The following OR4C12 variants were observed in gnomAD, a reference collection of about 807,000 sequenced individuals.
OR4C12 encodes the protein olfactory receptor 4C12.
A neutral mutation model predicts 12.3 loss-of-function variants in OR4C12; 11 were observed. The observed-to-expected ratio is 0.89, with a 90% CI of 0.56 to 1.48. The LOEUF is 1.48. Ranked by LOEUF, OR4C12 falls within the 40% of genes most tolerant of loss-of-function variation. OR4C12 has a pLI of 0.00. For synonymous variants in OR4C12, 138 were observed against 133.2 expected (o/e 1.04, Z -0.25); for missense variants, 414 against 365.8 (o/e 1.13, Z -1.08).
chr11:49,981,896 C>T lies in OR4C12; in HGVS notation c.606G>A (p.Gly202=). ...TLGLFVAVNS[G]FICLLNFLIL... ...TAAGGAAGTTTAATAAGCAGATAAA[C>T]CCACTGTTCACAGCAACAAAGAGAC... The change falls in exon 1 of 1, where the codon GGG becomes GGA. Residue 202 remains glycine, a synonymous_variant. Transcript: ENST00000335238. 6.2e-7 allele frequency: 1 copy of T among 1,613,914 alleles called. No homozygotes were observed. The highest frequency in any genetic ancestry group is 1.1e-5 in the South Asian group (1 of 91,066).
Position 49,981,505 on chromosome 11 carries a change from A to G in OR4C12, c.*67T>C. ...TAGCCAGCCCCTTGTTAGAGTTGACATATTCATCTACAAATCAAGAAGCTT... is the reference window on the plus strand; with the variant it reads ...TAGCCAGCCCCTTGTTAGAGTTGACGTATTCATCTACAAATCAAGAAGCTT... On this transcript the variant is annotated 3_prime_UTR_variant, in exon 1 of 1. Coordinates refer to ENST00000335238, the MANE Select transcript of OR4C12 (RefSeq NM_001005270.4). 2.3e-6 allele frequency: 2 copies of G among 880,136 alleles called. No individual in the cohort carries two copies. The highest frequency in any genetic ancestry group is 3.6e-6 in the Non-Finnish European group (2 of 554,250). 54.5% of individuals were successfully genotyped at this position (880,136 alleles called of 1,614,324 possible).
Position 49,982,512 on chromosome 11 carries a change from T to A in OR4C12, c.-11A>T. ...CTTTTTCTTCTCCATCTATGTAGTG[T>A]GGGTGATAAAACCTCCAGGAAGGAA... On this transcript the variant is annotated 5_prime_UTR_variant, in exon 1 of 1. Transcript: ENST00000335238. 1 of 1,497,052 alleles carries A rather than the reference T, an allele frequency of 6.7e-7. No individual in the cohort carries two copies. Among genetic ancestry groups the A allele is most frequent in the Non-Finnish European group, 9.2e-7 (1 of 1,092,116 alleles). The allele number at this position is 1,497,052 out of a possible 1,614,324, so 92.7% of individuals were successfully genotyped here.
At position 49,982,495 on chromosome 11, in the gene OR4C12, T is replaced by C; in HGVS notation, c.7A>G (p.Lys3Glu). Residue 3 changes from lysine to glutamate, a missense_variant, in exon 1 of 1, where the codon AAG becomes GAG. Transcript: ENST00000335238. ME[K>E]KKNVTEFILI... ...ATGAATTCAGTCACATTCTTTTTCT[T>C]CTCCATCTATGTAGTGTGGGTGATA... 2 of 1,590,824 alleles carry C rather than the reference T, an allele frequency of 1.3e-6. No individual in the cohort carries two copies. The highest frequency in any genetic ancestry group is 2.2e-5 in the South Asian group (2 of 89,876).
rs191809749 is a variant in OR4C12 at position 49,982,433 on chromosome 11, T to C, written c.69A>G (p.Lys23=). 37 of 1,613,602 alleles carry C rather than the reference T, an allele frequency of 2.3e-5. No individual in the cohort carries two copies. Among genetic ancestry groups the C allele is most frequent in the East Asian group, 2.2e-4 (10 of 44,882 alleles). Residue 23 remains lysine (K), a synonymous_variant, in exon 1 of 1, where the codon AAA becomes AAG. Transcript: ENST00000335238. ...GAACCAAAAATACTACAAACGTGAC[T>C]TTCTCCATTATGGGGTTCTGTGTAA... ...IGLTQNPIME[K]VTFVVFLVLY...
At position 49,981,699 on chromosome 11, in the gene OR4C12, G is replaced by T. The variant is rs781785840; in HGVS notation, c.803C>A (p.Ala268Asp). 1.2e-6 allele frequency: 2 copies of T among 1,613,592 alleles called. No individual in the cohort carries two copies. The highest frequency in any genetic ancestry group is 1.1e-5 in the South Asian group (1 of 91,082). Reference protein sequence around the residue: ...RSVTTLPIDKAVAVFYTMVVP... With the variant: ...RSVTTLPIDKDVAVFYTMVVP... ...CACCATAGTATAAAATACAGCAACA[G>T]CTTTATCAATGGGCAGAGTGGTCAC... The change falls in exon 1 of 1, where the codon GCT (alanine) becomes GAT (aspartate). Residue 268 changes from alanine (A) to aspartate (D), a missense_variant. By Grantham distance (126) the Ala-to-Asp change is moderately radical. Coordinates refer to ENST00000335238, the MANE Select transcript of OR4C12 (RefSeq NM_001005270.4).
chr11:49,981,796 A>G lies in OR4C12; in HGVS notation c.706T>C (p.Ser236Pro). Reference sequence around the variant, plus strand: ...ACTATGATGTGAGAAATACAGGTGGAGAGGGCTTTACACCTCCCCTCCAAG... The same window carrying G: ...ACTATGATGTGAGAAATACAGGTGGGGAGGGCTTTACACCTCCCCTCCAAG... The part of the protein sequence containing the change: ...NSLEGRCKAL[S>P]TCISHIIVVV... Residue 236 changes from serine (S) to proline (P), a missense_variant, in exon 1 of 1, where the codon TCC becomes CCC. Physicochemically the swap from Ser to Pro is moderately conservative, Grantham distance 74 (BLOSUM62 -1). Coordinates refer to ENST00000335238, the MANE Select transcript of OR4C12 (RefSeq NM_001005270.4). 6.2e-7 allele frequency: 1 copy of G among 1,613,260 alleles called. No individual in the cohort carries two copies. The highest frequency in any genetic ancestry group is 8.5e-7 in the Non-Finnish European group (1 of 1,179,316).
rs1224701853 is a variant in OR4C12 at position 49,981,750 on chromosome 11, G to A, written c.752C>T (p.Pro251Leu). ...TGAGCGCAGATACACAAATATACAG[G>A]GCACAAAGAATAAGACAACTACTAT... ...HIIVVVLFFV[P>L]CIFVYLRSVT... is the part of the protein sequence containing the mutation. Residue 251 changes from proline (P) to leucine (L), a missense_variant, in exon 1 of 1, where the codon CCC becomes CTC. Coordinates refer to ENST00000335238, the MANE Select transcript of OR4C12 (RefSeq NM_001005270.4). The A allele has an allele frequency of 3.7e-5, 59 of 1,613,620 alleles. No individual in the cohort carries two copies. The highest frequency in any genetic ancestry group is 4.7e-5 in the Non-Finnish European group (56 of 1,179,896).
Position 49,982,479 on chromosome 11 carries a change from G to T in OR4C12, c.23C>A (p.Thr8Asn). The change falls in exon 1 of 1, where the codon ACT becomes AAT. Residue 8 changes from threonine to asparagine, a missense_variant. Coordinates refer to ENST00000335238, the MANE Select transcript of OR4C12 (RefSeq NM_001005270.4). MEKKKNV[T>N]EFILIGLTQN... ...TGTAAGACCTATTAAAATGAATTCA[G>T]TCACATTCTTTTTCTTCTCCATCTA... is the stretch of plus-strand genomic sequence containing the variant. 6.2e-7 allele frequency: 1 copy of T among 1,605,506 alleles called. No homozygotes were observed. Among genetic ancestry groups the T allele is most frequent in the African/African-American group, 1.3e-5 (1 of 74,752 alleles).
In OR4C12 at chr11:49,981,953, T is replaced by C. The variant is rs782140859; in HGVS notation, c.549A>G (p.Leu183=). The C allele has an allele frequency of 1.9e-6, 3 of 1,613,956 alleles. No homozygotes were observed. The highest frequency in any genetic ancestry group is 2.2e-5 in the South Asian group (2 of 91,076). ...GHFMCDLYPL[L]KLVCIDTHTL... ...TATGAGTGTCTATGCAAACAAGTTTTAACAATGGGTACAAGTCACACATGA... is the reference window on the plus strand; with the variant it reads ...TATGAGTGTCTATGCAAACAAGTTTCAACAATGGGTACAAGTCACACATGA... Residue 183 remains leucine, a synonymous_variant, in exon 1 of 1, where the codon TTA becomes TTG. Coordinates refer to ENST00000335238, the MANE Select transcript of OR4C12 (RefSeq NM_001005270.4).
Position 49,982,447 on chromosome 11 carries a change from G to T in OR4C12, c.55C>A (p.Pro19Thr). Residue 19 changes from proline to threonine, a missense_variant, in exon 1 of 1, where the codon CCC (proline) becomes ACC (threonine). Physicochemically the swap from Pro to Thr is conservative, Grantham distance 38 (BLOSUM62 -1). Coordinates refer to ENST00000335238, the MANE Select transcript of OR4C12 (RefSeq NM_001005270.4). ...EFILIGLTQN[P>T]IMEKVTFVVF... Reference sequence around the variant, plus strand: ...ACAAACGTGACTTTCTCCATTATGGGGTTCTGTGTAAGACCTATTAAAATG... The same window carrying T: ...ACAAACGTGACTTTCTCCATTATGGTGTTCTGTGTAAGACCTATTAAAATG... 6.2e-7 allele frequency: 1 copy of T among 1,613,122 alleles called. No homozygotes were observed. Among genetic ancestry groups the T allele is most frequent in the East Asian group, 2.2e-5 (1 of 44,868 alleles).
Position 49,981,855 on chromosome 11 carries a change from T to A in OR4C12, c.647A>T (p.Tyr216Phe). 1 of 1,613,998 alleles carries A rather than the reference T, an allele frequency of 6.2e-7. No individual in the cohort carries two copies. Among genetic ancestry groups the A allele is most frequent in the Non-Finnish European group, 8.5e-7 (1 of 1,179,984 alleles). The change falls in exon 1 of 1, where the codon TAT becomes TTT. Residue 216 changes from tyrosine to phenylalanine, a missense_variant. Transcript: ENST00000335238. ...CTTTAAAGATCTCAAGATGATCACATAGGATACCACCAAGATAAGGAAGTT... is the reference window on the plus strand; with the variant it reads ...CTTTAAAGATCTCAAGATGATCACAAAGGATACCACCAAGATAAGGAAGTT... Reference protein sequence around the residue: ...LLNFLILVVSYVIILRSLKNN... With the variant: ...LLNFLILVVSFVIILRSLKNN...
At position 49,981,926 on chromosome 11, in the gene OR4C12, G is replaced by T. The variant is rs1854147675; in HGVS notation, c.576C>A (p.Thr192=). 1.2e-6 allele frequency: 2 copies of T among 1,613,900 alleles called. No individual in the cohort carries two copies. Among genetic ancestry groups the T allele is most frequent in the African/African-American group, 2.7e-5 (2 of 74,978 alleles). Residue 192 remains threonine (T), a synonymous_variant, in exon 1 of 1, where the codon ACC becomes ACA. Transcript: ENST00000335238. ...LLKLVCIDTH[T]LGLFVAVNSG... ...TGTTCACAGCAACAAAGAGACCAAG[G>T]GTATGAGTGTCTATGCAAACAAGTT...
rs1854137281 is a variant in OR4C12, at chr11:49,981,513, C to T, written c.*59G>A. ...CCCTTGTTAGAGTTGACATATTCAT[C>T]TACAAATCAAGAAGCTTAAATACCT... On this transcript the variant is annotated 3_prime_UTR_variant, in exon 1 of 1. Coordinates refer to ENST00000335238, the MANE Select transcript of OR4C12 (RefSeq NM_001005270.4). 5.2e-6 allele frequency: 5 copies of T among 965,620 alleles called. No homozygotes were observed. In the South Asian group the frequency reaches 7.9e-5, roughly 15 times the overall value. The allele number at this position is 965,620 out of a possible 1,614,324, so 59.8% of individuals were successfully genotyped here. A position where few individuals can be genotyped will look rare whatever the true frequency, so the allele number is the denominator to read the frequency against.
chr11:49,981,986 T>C lies in OR4C12; in HGVS notation c.516A>G (p.Ile172Met). The C allele has an allele frequency of 3.1e-6, 5 of 1,614,114 alleles. No homozygotes were observed. Among genetic ancestry groups the C allele is most frequent in the Non-Finnish European group, 3.4e-6 (4 of 1,179,980 alleles). ...VWLPFCGPNV[I>M]GHFMCDLYPL... is the part of the protein sequence containing the mutation. ...GGTACAAGTCACACATGAAGTGGCCTATGACATTGGGGCCACAGAAGGGCA... is the reference window on the plus strand; with the variant it reads ...GGTACAAGTCACACATGAAGTGGCCCATGACATTGGGGCCACAGAAGGGCA... The change falls in exon 1 of 1, where the codon ATA becomes ATG. Residue 172 changes from isoleucine to methionine, a missense_variant. Coordinates refer to ENST00000335238, the MANE Select transcript of OR4C12 (RefSeq NM_001005270.4).
rs782505627 is a variant in OR4C12 at position 49,982,257 on chromosome 11, T to C, written c.245A>G (p.Asp82Gly). 14 of 1,613,960 alleles carry C rather than the reference T, an allele frequency of 8.7e-6. No homozygotes were observed. The South Asian group carries it at 1.4e-4, about 16-fold the overall frequency. Residue 82 changes from aspartate to glycine, a missense_variant, in exon 1 of 1, where the codon GAT becomes GGT. By Grantham distance (94) the Asp-to-Gly change is moderately conservative. Transcript: ENST00000335238. ...GATGATTTTCTTCTCTTGAAAGGAA[T>C]CCACAATCAACTTAGGAGCTGAAGA... The part of the protein sequence containing the change: ...SSSSAPKLIV[D>G]SFQEKKIISF...
rs374549077 is a variant in OR4C12, at chr11:49,982,200, G to T, written c.302C>A (p.Ala101Glu). The T allele has an allele frequency of 3.7e-6, 6 of 1,613,980 alleles. No individual in the cohort carries two copies. The highest frequency in any genetic ancestry group is 4.2e-6 in the Non-Finnish European group (5 of 1,179,976). The change falls in exon 1 of 1, where the codon GCA (alanine) becomes GAA (glutamate). Residue 101 changes from alanine to glutamate, a missense_variant. Coordinates refer to ENST00000335238, the MANE Select transcript of OR4C12 (RefSeq NM_001005270.4). ...SFNGCMAQAY[A>E]EHIFGATEII... ...CTCAGTAGCACCAAAAATGTGTTCT[G>T]CATAGGCTTGAGCCATACACCCATT...
rs1844004273 is a variant in OR4C12, at chr11:49,982,272, G to A, written c.230C>T (p.Pro77Leu). 1 of 1,613,874 alleles carries A rather than the reference G, an allele frequency of 6.2e-7. No homozygotes were observed. Among genetic ancestry groups the A allele is most frequent in the Admixed American group, 1.7e-5 (1 of 60,004 alleles). ...IDTVYSSSSAPKLIVDSFQEK... is the reference protein window; with the variant it reads ...IDTVYSSSSALKLIVDSFQEK... ...TTGAAAGGAATCCACAATCAACTTAGGAGCTGAAGAAGAAGAATAAACTGT... is the reference window on the plus strand; with the variant it reads ...TTGAAAGGAATCCACAATCAACTTAAGAGCTGAAGAAGAAGAATAAACTGT... The change falls in exon 1 of 1, where the codon CCT becomes CTT. Residue 77 changes from proline to leucine, a missense_variant. Coordinates refer to ENST00000335238, the MANE Select transcript of OR4C12 (RefSeq NM_001005270.4).
rs1294043432 is a variant in OR4C12, at chr11:49,981,984, C to T, written c.518G>A (p.Gly173Asp). 7 of 1,613,940 alleles carry T rather than the reference C, an allele frequency of 4.3e-6. No individual in the cohort carries two copies. Among genetic ancestry groups the T allele is most frequent in the African/African-American group, 1.3e-5 (1 of 74,886 alleles). ...TGGGTACAAGTCACACATGAAGTGG[C>T]CTATGACATTGGGGCCACAGAAGGG... ...WLPFCGPNVI[G>D]HFMCDLYPLL... The change falls in exon 1 of 1, where the codon GGC becomes GAC. Residue 173 changes from glycine (G) to aspartate (D), a missense_variant. Gly to Asp is a moderately conservative substitution (Grantham distance 94). Coordinates refer to ENST00000335238, the MANE Select transcript of OR4C12 (RefSeq NM_001005270.4).
In OR4C12 at chr11:49,981,754, C is replaced by A. The variant is rs148311440; in HGVS notation, c.748G>T (p.Val250Leu). 4.3e-6 allele frequency: 7 copies of A among 1,613,850 alleles called. No homozygotes were observed. The highest frequency in any genetic ancestry group is 5.9e-6 in the Non-Finnish European group (7 of 1,179,928). Residue 250 changes from valine (V) to leucine (L), a missense_variant, in exon 1 of 1, where the codon GTG becomes TTG. Physicochemically the swap from Val to Leu is conservative, Grantham distance 32 (BLOSUM62 1). Transcript: ENST00000335238. ...SHIIVVVLFFVPCIFVYLRSV... is the reference protein window; with the variant it reads ...SHIIVVVLFFLPCIFVYLRSV... ...CGCAGATACACAAATATACAGGGCA[C>A]AAAGAATAAGACAACTACTATGATG... is the stretch of plus-strand genomic sequence containing the variant.
Sources: allele counts gnomAD v4.1 joint callset, GRCh38; gene constraint gnomAD v4.1.1; transcripts MANE v1.5; gene names NCBI Gene and HGNC (gene_info 2026-07-23, HGNC 2026-07-21).